LRRC57: variants seen among roughly 807,000 people sequenced by gnomAD.
The protein encoded by LRRC57 is leucine-rich repeat-containing protein 57.
Under a neutral mutation model 23.1 loss-of-function variants are expected in LRRC57, and 14 were observed. The ratio of observed to expected loss-of-function variants is 0.61; its 90% CI spans 0.40 to 0.95. The LOEUF is 0.95. Ranked by LOEUF, LRRC57 falls within the 40% of genes least tolerant of loss-of-function variation. The pLI is 0.00. For synonymous variants in LRRC57, 106 were observed against 115.2 expected (o/e 0.92, Z 0.51); for missense variants, 236 against 284.4 (o/e 0.83, Z 1.22).
chr15:42,535,100 T>G (rs1216362298), downstream of LRRC57, among the ~76,000 whole-genome samples: 1 of 152,266 alleles, frequency 6.6e-6, no homozygotes, highest in Non-Finnish European at 1.5e-5. Flanking sequence ...GGTGTCATTT[T>G]CCAATAGAAG....
At chr15:42,547,237 A>G in intron 4 of LRRC57, 24 bp downstream of exon 4, 1 of 1,592,646 alleles carries the variant, frequency 6.3e-7, no homozygotes, top group Non-Finnish European at 8.5e-7. Flanking sequence ...ATGCTGTAGG[A>G]AAAAAAACCT....
Position 42,543,412 on chromosome 15 carries a change from C to T in LRRC57, c.*671G>A, listed in dbSNP as rs1158835846. 2 of 151,944 alleles carry T rather than the reference C, an allele frequency of 1.3e-5. No individual in the cohort carries two copies. The highest frequency in any genetic ancestry group is 1.3e-4 in the Admixed American group (2 of 15,246). 9.4% of individuals were successfully genotyped at this position (151,944 alleles called of 1,614,324 possible). ...ACAGGGTTTCCTCATGTTGGCCACG[C>T]TAGTCTTGAACTCCTAGCCTCAAGT... is the stretch of plus-strand genomic sequence containing the variant. On this transcript the variant is annotated 3_prime_UTR_variant, in exon 6 of 6. Transcript: ENST00000397130.
intron 4 of LRRC57, among the ~76,000 whole-genome samples, chr15:42,546,374 T>C (rs1417012233): frequency 6.6e-6 from 1 of 151,960 alleles, no homozygotes; most frequent in East Asian, 1.9e-4. Context: ...CCTCAACTAA[T>C]ACTTGCTGCT....
intron 5 of LRRC57, among the ~76,000 whole-genome samples, 183 bp from the exon 6 acceptor site, chr15:42,544,307 AATCTC>A (rs1280245709): frequency 6.6e-6 from 1 of 152,142 alleles, no homozygotes; most frequent in Non-Finnish European, 1.5e-5. Flanking sequence ...TCACACTTGC[AATCTC>A]AACACTTTGG....
At chr15:42,531,594 G>T in the LRRC57 span, 1 of 719,044 alleles carries the variant, frequency 1.4e-6, no homozygotes. Context: ...GAGATAATAT[G>T]GAAGAAGGGC....
rs568095330 is a variant in LRRC57, at chr15:42,538,551, C to T, written c.*5532G>A. 8 of 152,246 alleles carry T rather than the reference C, an allele frequency of 5.3e-5. No individual in the cohort carries two copies. The highest frequency in any genetic ancestry group is 1.7e-4 in the African/African-American group (7 of 41,532). The allele number at this position is 152,246 out of a possible 1,614,324, so 9.4% of individuals were successfully genotyped here. On this transcript the variant is annotated 3_prime_UTR_variant, in exon 6 of 6. Coordinates refer to ENST00000397130, the MANE Select transcript of LRRC57 (RefSeq NM_153260.3). ...TGGGACTATAGATGCCTGCCTCTGC[C>T]TGGCTCCATTTTTTTATCCTTTTAA...
At chr15:42,529,057 AG>A in the LRRC57 span, among the ~76,000 whole-genome samples, 2 of 152,250 alleles carry the variant, frequency 1.3e-5, no homozygotes, top group African/African-American at 4.8e-5. Context: ...TCCTGTAAGA[AG>A]ATCTGTAACG....
intron 1 of LRRC57, 37 bp from the exon 2 acceptor site, chr15:42,548,493 A>C (rs1595541451): frequency 1.9e-6 from 3 of 1,559,400 alleles, no homozygotes; most frequent in Middle Eastern, 1.7e-4. Flanking sequence ...CGCCCAGTCC[A>C]CCCGGTCGGC....
the LRRC57 span, chr15:42,531,339 A>T: frequency 3.1e-6 from 3 of 961,686 alleles, no homozygotes; most frequent in Non-Finnish European, 4.4e-6. Context: ...TGTGTCAGTT[A>T]CTCCAAGTGT....
chr15:42,537,371 G>A (rs567087585), downstream of LRRC57, among the ~76,000 whole-genome samples: 1 of 152,214 alleles, frequency 6.6e-6, no homozygotes, highest in Admixed American at 6.5e-5. Flanking sequence ...CAGTTATCAT[G>A]GCTATTATCA....
rs1266407743 is a variant in LRRC57, at chr15:42,538,285, A to C, written c.*5798T>G. The stretch of plus-strand genomic sequence containing the variant: ...TCAGGTTATCCCAATTACATTCCTA[A>C]TCAGATTTTATTTCTCAGATTGATA... On this transcript the variant is annotated 3_prime_UTR_variant, in exon 6 of 6. Transcript: ENST00000397130. The C allele has an allele frequency of 2.6e-5, 4 of 152,198 alleles. No homozygotes were observed. Among genetic ancestry groups the C allele is most frequent in the Non-Finnish European group, 4.4e-5 (3 of 68,036 alleles). The allele number at this position is 152,198 out of a possible 1,614,324, so 9.4% of individuals were successfully genotyped here.
the LRRC57 span, among the ~76,000 whole-genome samples, chr15:42,530,463 G>T: frequency 2.0e-5 from 3 of 152,142 alleles, no homozygotes; most frequent in African/African-American, 7.2e-5. Context: ...TGTGTCACAT[G>T]TAAAGTCATA....
At position 42,548,436 on chromosome 15, in the gene LRRC57, C is replaced by T; in HGVS notation, c.-2G>A. 6.2e-7 allele frequency: 1 copy of T among 1,613,602 alleles called. No individual in the cohort carries two copies. Among genetic ancestry groups the T allele is most frequent in the African/African-American group, 1.3e-5 (1 of 75,076 alleles). On this transcript the variant is annotated 5_prime_UTR_variant, in exon 2 of 6. Coordinates refer to ENST00000397130, the MANE Select transcript of LRRC57 (RefSeq NM_153260.3). ...AGCGCGGAGCGCACTGTTTCCCATC[C>T]TAGCGCCGCGGCTCAGGTCCCTGCG...
At position 42,544,842 on chromosome 15, in the gene LRRC57, C is replaced by CAA; in HGVS notation, c.678+234_678+235insTT. On this transcript the variant is annotated intron_variant, in intron 5 of 5. Coordinates refer to ENST00000397130, the MANE Select transcript of LRRC57 (RefSeq NM_153260.3). ...ACACACACACACACACACACACACA[C>CAA]TATATATATATATATATCAAAAGAC... 1.3e-3 allele frequency among the ~76,000 whole-genome samples: 128 copies of CAA among 97,852 alleles called. 2 individuals carry two copies. Among genetic ancestry groups the CAA allele is most frequent in the Admixed American group, 2.6e-3 (29 of 11,128 alleles). 64.2% of individuals were successfully genotyped at this position (97,852 alleles called of 152,430 possible).
chr15:42,531,608 A>C, the LRRC57 span: 1 of 605,654 alleles, frequency 1.7e-6, no homozygotes, highest in Non-Finnish European at 2.8e-6. Context: ...GAAGGGCCAG[A>C]GCAGTTACAG....
In LRRC57 at chr15:42,547,263, G is replaced by C. The variant is rs186716946; in HGVS notation, c.490C>G (p.Gln164Glu). Residue 164 changes from glutamine (Q) to glutamate (E), a missense_variant and splice_region_variant, in exon 4 of 6, where the codon CAG (glutamine) becomes GAG (glutamate). Gln to Glu is a conservative substitution (Grantham distance 29, BLOSUM62 2). Transcript: ENST00000397130. ...AAAAAAACCTTAAAGCTCTAGACCT[G>C]ATTCTGGTTGAGGTTGAGTTCGATG... ...QVIELNLNQN[Q>E]ISQISVKISC... is the part of the protein sequence containing the mutation. 1.9e-5 allele frequency: 30 copies of C among 1,613,822 alleles called. No individual in the cohort carries two copies. In the East Asian group the frequency reaches 6.5e-4, roughly 35 times the overall value.
At position 42,542,655 on chromosome 15, in the gene LRRC57, G is replaced by T. The variant is rs573007817; in HGVS notation, c.*1428C>A. ...GTTAGTAGAGTTATAAATACAAAAA[G>T]GGAAAGGTTACCAGAAATAAGACAT... On this transcript the variant is annotated 3_prime_UTR_variant, in exon 6 of 6. Coordinates refer to ENST00000397130, the MANE Select transcript of LRRC57 (RefSeq NM_153260.3). The T allele has an allele frequency of 6.6e-6, 1 of 152,652 alleles. No individual in the cohort carries two copies. Among genetic ancestry groups the T allele is most frequent in the South Asian group, 2.1e-4 (1 of 4,828 alleles). The allele number at this position is 152,652 out of a possible 1,614,324, so 9.5% of individuals were successfully genotyped here.
chr15:42,545,000 A>T (rs1056774581), intron 5 of LRRC57, 77 bp downstream of exon 5: 3 of 1,133,792 alleles, frequency 2.6e-6, no homozygotes, highest in Non-Finnish European at 3.7e-6. Flanking sequence ...CATGAGCTAT[A>T]AACATTTCTG....
chr15:42,547,169 G>A, intron 4 of LRRC57, 92 bp downstream of exon 4: 2 of 1,377,100 alleles, frequency 1.5e-6, no homozygotes, highest in Non-Finnish European at 9.9e-7. Flanking sequence ...TTAGCTCTAT[G>A]ATGGCAGTTT....
Sources: allele counts gnomAD v4.1 joint callset (sites outside exome capture counted in the v4.1 genomes callset), GRCh38; gene constraint gnomAD v4.1.1; transcripts MANE v1.5; gene names NCBI Gene and HGNC (gene_info 2026-07-23, HGNC 2026-07-21).